Variants in TUBB6 observed in about 807,000 individuals in gnomAD.
The protein encoded by TUBB6 is tubulin beta-6 chain.
A neutral mutation model predicts 32.3 loss-of-function variants in TUBB6; 18 were observed. The observed-to-expected ratio is 0.56, with a 90% CI of 0.39 to 0.83. The LOEUF (loss-of-function observed/expected upper bound fraction) is 0.83. TUBB6 is among the 40% of genes least tolerant of loss of function. The pLI is 0.00. For synonymous variants in TUBB6, 280 were observed against 265.8 expected (o/e 1.05, Z -0.52); for missense variants, 480 against 632.0 (o/e 0.76, Z 2.58).
chr18:12,329,296 C>T, downstream of TUBB6: 2 of 691,210 alleles, frequency 2.9e-6, no homozygotes, highest in Non-Finnish European at 2.6e-6. Flanking sequence ...CAGCCTCGGC[C>T]ACTCTGGGCT....
rs542001294 is a variant in TUBB6, at chr18:12,326,431, C to T, written c.*301C>T. 2.8e-6 allele frequency: 1 copy of T among 358,190 alleles called. No homozygotes were observed. Among genetic ancestry groups the T allele is most frequent in the Admixed American group, 4.3e-5 (1 of 23,090 alleles). 22.2% of individuals were successfully genotyped at this position (358,190 alleles called of 1,614,324 possible). On this transcript the variant is annotated 3_prime_UTR_variant, in exon 4 of 4. Coordinates refer to ENST00000317702, the MANE Select transcript of TUBB6 (RefSeq NM_032525.3). The stretch of plus-strand genomic sequence containing the variant: ...TCCATTAAGTGTTCAAGCATGTCTG[C>T]AAATTAGGAGGGAGTTAGAAACAGT...
In TUBB6 at chr18:12,326,201, C is replaced by T. The variant is rs1353405759; in HGVS notation, c.*71C>T. 10 of 1,537,072 alleles carry T rather than the reference C, an allele frequency of 6.5e-6. No homozygotes were observed. Among genetic ancestry groups the T allele is most frequent in the Non-Finnish European group, 8.8e-6 (10 of 1,142,022 alleles). On this transcript the variant is annotated 3_prime_UTR_variant, in exon 4 of 4. Transcript: ENST00000317702. ...CTTCTTGAACCCTGGTGCCTCCTAC[C>T]CTATGGCCCTGAATGGTGCACTGGT...
At chr18:12,318,286 G>A (rs75225811) in intron 3 of TUBB6, among the ~76,000 whole-genome samples, 62 of 151,608 alleles carry the variant, frequency 4.1e-4, no homozygotes, top group African/African-American at 1.4e-3. Flanking sequence ...AGAGAAGTTG[G>A]TGGGGGCTTA....
chr18:12,308,888 G>A (rs1051880189), intron 2 of TUBB6, 93 bp downstream of exon 2: 3 of 833,880 alleles, frequency 3.6e-6, no homozygotes, highest in African/African-American at 1.7e-5. Flanking sequence ...TTCGGGAAAA[G>A]TTCTCTCGGG....
chr18:12,314,329 T>A (rs1906555215), intron 3 of TUBB6, among the ~76,000 whole-genome samples: 1 of 151,978 alleles, frequency 6.6e-6, no homozygotes, highest in Non-Finnish European at 1.5e-5. Flanking sequence ...TTCTGCCCAG[T>A]CTTCTCCTTG....
chr18:12,308,915 G>A (rs1016269735), intron 2 of TUBB6, 120 bp downstream of exon 2: 9 of 680,652 alleles, frequency 1.3e-5, no homozygotes, highest in Non-Finnish European at 2.4e-5. Context: ...CAGGATGCCC[G>A]GCCACTCCCT....
At chr18:12,319,128 TTTTTCCTTTTTTTTTTTTTTC>T (rs1241696169) in intron 3 of TUBB6, among the ~76,000 whole-genome samples, 2 of 9,374 alleles carry the variant, frequency 2.1e-4, no homozygotes, top group Non-Finnish European at 9.5e-4. Flanking sequence ...ACATTTTTCC[TTTTTCCTTTTTTTTTTTTTTC>T]TTTTTTTTTT....
chr18:12,325,791 G>A lies in TUBB6; in HGVS notation c.1002G>A (p.Gln334=), dbSNP rs1907278625. The change falls in exon 4 of 4, where the codon CAG becomes CAA. Residue 334 remains glutamine (Q), a synonymous_variant. Coordinates refer to ENST00000317702, the MANE Select transcript of TUBB6 (RefSeq NM_032525.3). ...TGGACGAGCAGATGCTGGCCATCCA[G>A]AGTAAGAACAGCAGCTACTTCGTGG... ...KEVDEQMLAI[Q]SKNSSYFVEW... 1 of 1,614,156 alleles carries A rather than the reference G, an allele frequency of 6.2e-7. No individual in the cohort carries two copies. Among genetic ancestry groups the A allele is most frequent in the Non-Finnish European group, 8.5e-7 (1 of 1,180,064 alleles).
chr18:12,316,191 G>A (rs1474644094), intron 3 of TUBB6, among the ~76,000 whole-genome samples: 7 of 152,246 alleles, frequency 4.6e-5, no homozygotes, highest in African/African-American at 1.7e-4. Flanking sequence ...TGATCTTTAT[G>A]ACATGAGTGC....
At position 12,325,209 on chromosome 18, in the gene TUBB6, C is replaced by A; in HGVS notation, c.420C>A (p.Gly140=). 1 of 1,614,088 alleles carries A rather than the reference C, an allele frequency of 6.2e-7. No homozygotes were observed. The highest frequency in any genetic ancestry group is 8.5e-7 in the Non-Finnish European group (1 of 1,179,990). The change falls in exon 4 of 4, where the codon GGC becomes GGA. Residue 140 remains glycine, a synonymous_variant. Coordinates refer to ENST00000317702, the MANE Select transcript of TUBB6 (RefSeq NM_032525.3). ...LQGFQLTHSL[G]GGTGSGMGTL... Reference sequence around the variant, plus strand: ...GCTTCCAGCTCACGCACTCGCTGGGCGGCGGCACGGGCTCAGGCATGGGCA... The same window carrying A: ...GCTTCCAGCTCACGCACTCGCTGGGAGGCGGCACGGGCTCAGGCATGGGCA...
chr18:12,317,153 CAAAAAA>C (rs773323455), intron 3 of TUBB6, among the ~76,000 whole-genome samples: 1 of 66,376 alleles, frequency 1.5e-5, no homozygotes, highest in Non-Finnish European at 3.2e-5. Context: ...GAGACCCTGT[CAAAAAA>C]AAAAAAAAAA....
chr18:12,323,731 C>A (rs1907108275), intron 3 of TUBB6, among the ~76,000 whole-genome samples: 2 of 152,026 alleles, frequency 1.3e-5, no homozygotes, highest in East Asian at 1.9e-4. Flanking sequence ...TGGTGTGAAC[C>A]CGGGAGGCGG....
chr18:12,323,007 T>C (rs1907068059), intron 3 of TUBB6, among the ~76,000 whole-genome samples: 1 of 152,180 alleles, frequency 6.6e-6, no homozygotes, highest in Admixed American at 6.6e-5. Context: ...TGAAAAATAA[T>C]AGATGTTAAC....
intron 3 of TUBB6, among the ~76,000 whole-genome samples, chr18:12,323,834 A>C (rs933213470): frequency 6.6e-6 from 1 of 151,970 alleles, no homozygotes; most frequent in Non-Finnish European, 1.5e-5. Context: ...CATTATGCAG[A>C]AAACAGACTA....
Position 12,325,147 on chromosome 18 carries a change from G to A in TUBB6, c.358G>A (p.Val120Met), listed in dbSNP as rs1472088090. The A allele has an allele frequency of 6.2e-7, 1 of 1,612,878 alleles. No individual in the cohort carries two copies. The highest frequency in any genetic ancestry group is 2.2e-5 in the East Asian group (1 of 44,858). ...AELVDAVLDV[V>M]RKECEHCDCL... ...GCTGGTGGACGCAGTGCTGGACGTGGTGCGGAAGGAGTGCGAGCACTGCGA... is the reference window on the plus strand; with the variant it reads ...GCTGGTGGACGCAGTGCTGGACGTGATGCGGAAGGAGTGCGAGCACTGCGA... The change falls in exon 4 of 4, where the codon GTG becomes ATG. Residue 120 changes from valine (V) to methionine (M), a missense_variant. By Grantham distance (21) the Val-to-Met change is conservative. Coordinates refer to ENST00000317702, the MANE Select transcript of TUBB6 (RefSeq NM_032525.3).
Position 12,325,344 on chromosome 18 carries a change from C to G in TUBB6, c.555C>G (p.Ala185=). Residue 185 remains alanine (A), a synonymous_variant, in exon 4 of 4, where the codon GCC becomes GCG. Coordinates refer to ENST00000317702, the MANE Select transcript of TUBB6 (RefSeq NM_032525.3). Reference sequence around the variant, plus strand: ...ACACGGTGGTGGAGCCCTACAATGCCACACTGTCGGTGCACCAGCTGGTGG... The same window carrying G: ...ACACGGTGGTGGAGCCCTACAATGCGACACTGTCGGTGCACCAGCTGGTGG... ...VSDTVVEPYN[A]TLSVHQLVEN... 1 of 1,614,180 alleles carries G rather than the reference C, an allele frequency of 6.2e-7. No homozygotes were observed. The highest frequency in any genetic ancestry group is 8.5e-7 in the Non-Finnish European group (1 of 1,180,022).
intron 3 of TUBB6, among the ~76,000 whole-genome samples, chr18:12,324,286 C>T (rs966979790): frequency 1.3e-5 from 2 of 151,344 alleles, no homozygotes; most frequent in African/African-American, 2.4e-5. Context: ...AGGAGAATGG[C>T]GTGAACCCAG....
At chr18:12,324,362 T>C (rs1200080474) in intron 3 of TUBB6, among the ~76,000 whole-genome samples, 2 of 151,644 alleles carry the variant, frequency 1.3e-5, no homozygotes, top group African/African-American at 4.8e-5. Context: ...AGAGTGAGAC[T>C]GCGTCTCCAA....
chr18:12,325,974 G>A lies in TUBB6; in HGVS notation c.1185G>A (p.Leu395=), dbSNP rs764547708. ...CCATGTTCCGGCGCAAGGCCTTCCTGCACTGGTTCACGGGTGAGGGCATGG... is the reference window on the plus strand; with the variant it reads ...CCATGTTCCGGCGCAAGGCCTTCCTACACTGGTTCACGGGTGAGGGCATGG... ...FSAMFRRKAF[L]HWFTGEGMDE... Residue 395 remains leucine, a synonymous_variant, in exon 4 of 4, where the codon CTG becomes CTA. Transcript: ENST00000317702. 15 of 1,613,992 alleles carry A rather than the reference G, an allele frequency of 9.3e-6. No homozygotes were observed. Among genetic ancestry groups the A allele is most frequent in the Non-Finnish European group, 1.2e-5 (14 of 1,180,054 alleles).
Sources: gnomAD v4.1 joint callset for allele counts (sites outside exome capture counted in the v4.1 genomes callset) on GRCh38, gnomAD v4.1.1 for gene constraint, MANE v1.5 for transcripts, NCBI Gene and HGNC (gene_info 2026-07-23, HGNC 2026-07-21) for gene names.